Variants in AKNAD1 observed in about 807,000 individuals in gnomAD.
AKNAD1 encodes the protein protein AKNAD1.
AKNAD1 carries 67 observed loss-of-function variants against 90.8 expected under a neutral mutation model. The ratio of observed to expected loss-of-function variants is 0.74; its 90% confidence interval spans 0.61 to 0.90. The LOEUF (loss-of-function observed/expected upper bound fraction) is 0.90, where lower values mean the gene tolerates loss of function less well. Among genes scored for constraint, AKNAD1 ranks in the 40% least tolerant of loss-of-function variants. The pLI, the probability that AKNAD1 is intolerant of heterozygous loss-of-function variation, is 0.00. For synonymous variants in AKNAD1, 327 were observed against 341.4 expected (o/e 0.96, Z 0.46); for missense variants, 957 against 975.4 (o/e 0.98, Z 0.25).
intron 5 of AKNAD1, 66 bp downstream of exon 5, chr1:108,848,686 G>A (rs547595715): frequency 2.1e-6 from 3 of 1,421,562 alleles, no homozygotes; most frequent in Middle Eastern, 2.5e-4. Flanking sequence ...GCACTATAAA[G>A]TTATTTATCT....
At chr1:108,842,546 C>G (rs1308097404) in intron 6 of AKNAD1, among the ~76,000 whole-genome samples, 5 of 152,182 alleles carry the variant, frequency 3.3e-5, no homozygotes, top group Non-Finnish European at 7.3e-5. Flanking sequence ...TTTAAGCTTT[C>G]ACGCTTTTCC....
intron 5 of AKNAD1, among the ~76,000 whole-genome samples, chr1:108,846,149 T>G (rs1664695489): frequency 6.6e-6 from 1 of 152,172 alleles, no homozygotes. Flanking sequence ...CCAAATGCTT[T>G]CTGCTGTGTA....
rs143133865 is a variant in AKNAD1 at position 108,816,207 on chromosome 1, A to G, written c.2475T>C (p.Ala825=). The G allele has an allele frequency of 6.8e-5, 109 of 1,613,342 alleles. No homozygotes were observed. The highest frequency in any genetic ancestry group is 8.6e-5 in the Non-Finnish European group (102 of 1,179,760). Residue 825 remains alanine (A), a synonymous_variant, in exon 16 of 16, where the codon GCT becomes GCC. Transcript: ENST00000370001. ...GTCGATTCCTCCACCTCTGTGCTTT[A>G]GCAAGGTCTTCTGCAATCGTTTTAA... ...QMIKTIAEDL[A]KAQRWRNRLK...
chr1:108,847,709 C>T (rs1157561083), intron 5 of AKNAD1, among the ~76,000 whole-genome samples: 1 of 152,126 alleles, frequency 6.6e-6, no homozygotes, highest in Non-Finnish European at 1.5e-5. Context: ...CCAAGCTCAT[C>T]CCTATTCCTT....
chr1:108,818,985 A>G (rs1663725114), intron 14 of AKNAD1, among the ~76,000 whole-genome samples: 1 of 148,458 alleles, frequency 6.7e-6, no homozygotes, highest in Non-Finnish European at 1.5e-5. Flanking sequence ...AAAAAAACCA[A>G]GAAGTCTCCA....
chr1:108,830,812 G>A (rs1664174761), intron 9 of AKNAD1, 162 bp from the exon 10 acceptor site: 3 of 649,324 alleles, frequency 4.6e-6, no homozygotes, highest in Admixed American at 4.9e-5. Flanking sequence ...GGAGGCGCAG[G>A]GGGACAGGAG....
rs1177841617 is a variant in AKNAD1, at chr1:108,835,136, CAGCACCCCTAA to C, written c.1537-91_1537-81del. On this transcript the variant is annotated intron_variant, in intron 7 of 15. Transcript: ENST00000370001. ...ACTCAAAATCAGTTCAGCATCCCTA[CAGCACCCCTAA>C]GGCACCATAACATCCTGCCTGGCGT... 8.7e-6 allele frequency: 13 copies of C among 1,497,338 alleles called. No individual in the cohort carries two copies. In the East Asian group the frequency reaches 3.2e-4, roughly 36 times the overall value. The allele number at this position is 1,497,338 out of a possible 1,614,324, so 92.8% of individuals were successfully genotyped here.
At chr1:108,838,022 A>G (rs967634322) in intron 6 of AKNAD1, among the ~76,000 whole-genome samples, 2 of 152,212 alleles carry the variant, frequency 1.3e-5, no homozygotes, top group African/African-American at 4.8e-5. Flanking sequence ...GATCCCTTAC[A>G]AGGGATTCTA....
In AKNAD1 at chr1:108,851,652, C is replaced by G; in HGVS notation, c.993+20G>C. ...GCAGTGGTCCCAATTAATGTGTTTA[C>G]AGGAGACTGTTTCATTTACCTGGAT... On this transcript the variant is annotated intron_variant, in intron 2 of 15. Coordinates refer to ENST00000370001, the MANE Select transcript of AKNAD1 (RefSeq NM_152763.5). The G allele has an allele frequency of 6.4e-7, 1 of 1,560,390 alleles. No individual in the cohort carries two copies. Among genetic ancestry groups the G allele is most frequent in the Non-Finnish European group, 8.6e-7 (1 of 1,159,260 alleles).
In AKNAD1 at chr1:108,849,046, C is replaced by G. The variant is rs747372498; in HGVS notation, c.1048G>C (p.Ala350Pro). ...QELLTGIESE[A>P]SLSKLSPTSQ... ...GTTGGTGACAACTTAGAGAGACTTG[C>G]CTCAGATTCTATTCCTATACAAGAA... Residue 350 changes from alanine (A) to proline (P), a missense_variant, in exon 4 of 16, where the codon GCA becomes CCA. Coordinates refer to ENST00000370001, the MANE Select transcript of AKNAD1 (RefSeq NM_152763.5). The G allele has an allele frequency of 1.3e-6, 2 of 1,598,988 alleles. No homozygotes were observed. The highest frequency in any genetic ancestry group is 1.7e-6 in the Non-Finnish European group (2 of 1,175,672).
intron 9 of AKNAD1, among the ~76,000 whole-genome samples, chr1:108,832,794 A>C (rs1412813223): frequency 6.6e-6 from 1 of 152,174 alleles, no homozygotes; most frequent in Non-Finnish European, 1.5e-5. Context: ...ATCAGTTTTC[A>C]CTTATGCATT....
At chr1:108,835,817 G>A (rs1664366728) in intron 7 of AKNAD1, among the ~76,000 whole-genome samples, 1 of 151,984 alleles carries the variant, frequency 6.6e-6, no homozygotes, top group African/African-American at 2.4e-5. Flanking sequence ...GTAGAAACGG[G>A]GTTTCACCAT....
At chr1:108,852,887 A>T (rs146386326) in intron 1 of AKNAD1, 120 bp from the exon 2 acceptor site, 2 of 405,408 alleles carry the variant, frequency 4.9e-6, no homozygotes, top group Non-Finnish European at 8.6e-6. Context: ...GAAGGCAGGA[A>T]GCTCAACCAC....
Position 108,849,552 on chromosome 1 carries a change from G to T in AKNAD1, c.1018C>A (p.Gln340Lys), listed in dbSNP as rs1664790913. ...IQMEPIVHIH[Q>K]ELLTGIESEA... ...ACATTAGTACCTGTGAGAAGTTCTT[G>T]GTGGATATGTACTATGGGCTCCATC... is the stretch of plus-strand genomic sequence containing the variant. The change falls in exon 3 of 16, where the codon CAA (glutamine) becomes AAA (lysine). Residue 340 changes from glutamine (Q) to lysine (K), a missense_variant. Physicochemically the swap from Gln to Lys is moderately conservative, Grantham distance 53. Transcript: ENST00000370001. 1.3e-6 allele frequency: 2 copies of T among 1,594,102 alleles called. No homozygotes were observed. Among genetic ancestry groups the T allele is most frequent in the Non-Finnish European group, 1.7e-6 (2 of 1,161,990 alleles).
rs561813184 is a variant in AKNAD1 at position 108,816,327 on chromosome 1, T to G, written c.2380-25A>C. ...TCTACAGAGGAAAAGTCCACACATT[T>G]TAATTACATAAACTAACTGCTGTTT... On this transcript the variant is annotated intron_variant, in intron 15 of 15. Transcript: ENST00000370001. 27 of 1,600,860 alleles carry G rather than the reference T, an allele frequency of 1.7e-5. No homozygotes were observed. In the African/African-American group the frequency reaches 2.6e-4, roughly 15 times the overall value.
chr1:108,817,023 C>G (rs1488409525), intron 15 of AKNAD1, 25 bp downstream of exon 15: 2 of 1,612,598 alleles, frequency 1.2e-6, no homozygotes, highest in Admixed American at 1.7e-5. Context: ...TGCAATGCTT[C>G]TCGAATGATT....
At chr1:108,837,373 G>T in intron 7 of AKNAD1, 177 bp downstream of exon 7, 1 of 570,242 alleles carries the variant, frequency 1.8e-6, no homozygotes, top group Non-Finnish European at 2.9e-6. Context: ...ACTTGAAATA[G>T]CTTCTAATCT....
intron 2 of AKNAD1, among the ~76,000 whole-genome samples, 154 bp downstream of exon 2, chr1:108,851,518 G>T (rs1664861819): frequency 6.6e-6 from 1 of 152,206 alleles, no homozygotes; most frequent in African/African-American, 2.4e-5. Context: ...GACACTGAGA[G>T]TCGGAGTGGC....
Position 108,837,716 on chromosome 1 carries a change from C to T in AKNAD1, c.1380-10G>A. ...TTCACCTTCCACTTTTCTAAGTAAA[C>T]ATAAACACACAGGCATCTTCTGGGC... is the stretch of plus-strand genomic sequence containing the variant. On this transcript the variant is annotated splice_polypyrimidine_tract_variant and intron_variant, in intron 6 of 15. Transcript: ENST00000370001. 3.1e-6 allele frequency: 5 copies of T among 1,613,808 alleles called. No homozygotes were observed. The highest frequency in any genetic ancestry group is 2.2e-5 in the East Asian group (1 of 44,872).
Sources: allele counts gnomAD v4.1 joint callset (sites outside exome capture counted in the v4.1 genomes callset), GRCh38; gene constraint gnomAD v4.1.1; transcripts MANE v1.5; gene names NCBI Gene and HGNC (gene_info 2026-07-23, HGNC 2026-07-21).